ABHD12B: variants seen among roughly 807,000 people sequenced by gnomAD.
ABHD12B encodes the protein protein ABHD12B.
A neutral mutation model predicts 50.4 loss-of-function variants in ABHD12B; 42 were observed. The ratio of observed to expected loss-of-function variants is 0.83; its 90% CI spans 0.65 to 1.08. ABHD12B has a LOEUF of 1.08. Ranked by LOEUF, ABHD12B falls within the 50% of genes least tolerant of loss-of-function variation. The pLI is 0.00. For synonymous variants in ABHD12B, 167 were observed against 160.3 expected, an observed-to-expected ratio of 1.04 and a Z score of -0.32; for missense variants, 479 against 447.7, an observed-to-expected ratio of 1.07 and a Z score of -0.63.
intron 8 of ABHD12B, among the ~76,000 whole-genome samples, chr14:50,888,538 G>C (rs1472463873): frequency 6.6e-6 from 1 of 152,096 alleles, no homozygotes; most frequent in African/African-American, 2.4e-5. Context: ...TGACCTGGTT[G>C]TGTTCTTAGA....
At position 50,878,023 on chromosome 14, in the gene ABHD12B, C is replaced by A. The variant is rs1566483621; in HGVS notation, c.176C>A (p.Ser59Tyr). 3 of 1,534,998 alleles carry A rather than the reference C, an allele frequency of 2.0e-6. No individual in the cohort carries two copies. Among genetic ancestry groups the A allele is most frequent in the Non-Finnish European group, 2.6e-6 (3 of 1,146,332 alleles). ...AALYDSFTSK[S>Y]LKEHVFLPLI... ...CTGTATGACAGCTTTACTAGTAAAT[C>A]CTTAAAAGAACACGTTTTCCTTCCT... The change falls in exon 2 of 13, where the codon TCC becomes TAC. Residue 59 changes from serine to tyrosine, a missense_variant. Coordinates refer to ENST00000337334, the MANE Select transcript of ABHD12B (RefSeq NM_001206673.2).
chr14:50,902,570 C>T (rs2050273756), intron 10 of ABHD12B, among the ~76,000 whole-genome samples: 3 of 152,246 alleles, frequency 2.0e-5, no homozygotes, highest in Admixed American at 2.0e-4. Context: ...GAAAACTCGT[C>T]TACCATCCAC....
Position 50,878,068 on chromosome 14 carries a change from A to T in ABHD12B, c.221A>T (p.Tyr74Phe). 6.5e-7 allele frequency: 1 copy of T among 1,526,762 alleles called. No homozygotes were observed. The highest frequency in any genetic ancestry group is 1.2e-5 in the South Asian group (1 of 81,844). 94.6% of individuals were successfully genotyped at this position (1,526,762 alleles called of 1,614,324 possible). ...VFLPLIDMLIYFNFFKAPFLV... is the reference protein window; with the variant it reads ...VFLPLIDMLIFFNFFKAPFLV... ...CTTCCTCTGATAGACATGCTAATTT[A>T]TTTTAATTTTTGTAAGTATGGACCT... Residue 74 changes from tyrosine (Y) to phenylalanine (F), a missense_variant, in exon 2 of 13, where the codon TAT (tyrosine) becomes TTT (phenylalanine). Tyr to Phe is a conservative substitution (Grantham distance 22). Transcript: ENST00000337334.
intron 9 of ABHD12B, among the ~76,000 whole-genome samples, chr14:50,899,700 G>C (rs1479639002): frequency 2.0e-5 from 3 of 152,014 alleles, no homozygotes; most frequent in Non-Finnish European, 2.9e-5. Flanking sequence ...GAGGCAGGCG[G>C]ATCATTTGAG....
chr14:50,883,542 C>T (rs949152689), intron 5 of ABHD12B, among the ~76,000 whole-genome samples: 11 of 152,278 alleles, frequency 7.2e-5, no homozygotes, highest in Non-Finnish European at 1.2e-4. Flanking sequence ...GCATTCCCCA[C>T]GTGGAACGTG....
chr14:50,897,674 G>T (rs1254279328), intron 9 of ABHD12B, among the ~76,000 whole-genome samples: 1 of 152,218 alleles, frequency 6.6e-6, no homozygotes, highest in Admixed American at 6.5e-5. Flanking sequence ...GAGCCACTCA[G>T]ACTTGGGTTC....
chr14:50,893,596 C>A, intron 9 of ABHD12B: 2 of 154,776 alleles, frequency 1.3e-5, no homozygotes, highest in Middle Eastern at 3.3e-3. Context: ...GGTCTCTTCA[C>A]ACGGACGCGC....
rs764643185 is a variant in ABHD12B, at chr14:50,904,083, A to G, written c.952A>G (p.Ile318Val). Residue 318 changes from isoleucine (I) to valine (V), a missense_variant, in exon 12 of 13, where the codon ATT becomes GTT. Ile to Val is a conservative substitution (Grantham distance 29). Coordinates refer to ENST00000337334, the MANE Select transcript of ABHD12B (RefSeq NM_001206673.2). ...TTTCTGTCGCTTGCAGCTCTATGAA[A>G]TTGCACGCAATGCATACAGGAACAA... ...PLEYGKKLYE[I>V]ARNAYRNKER... is the part of the protein sequence containing the mutation. The G allele has an allele frequency of 1.9e-6, 3 of 1,612,946 alleles. No homozygotes were observed. In the Admixed American group the frequency reaches 5.0e-5, roughly 27 times the overall value.
intron 3 of ABHD12B, among the ~76,000 whole-genome samples, chr14:50,879,796 G>A (rs955356289): frequency 9.2e-5 from 14 of 152,160 alleles, no homozygotes; most frequent in African/African-American, 3.4e-4. Context: ...GCCTATATTC[G>A]GAGTACAGAG....
chr14:50,878,092 C>T lies in ABHD12B; in HGVS notation c.232+13C>T, dbSNP rs972894650. 7 of 1,505,964 alleles carry T rather than the reference C, an allele frequency of 4.6e-6. No individual in the cohort carries two copies. Among genetic ancestry groups the T allele is most frequent in the African/African-American group, 4.2e-5 (3 of 71,278 alleles). The allele number at this position is 1,505,964 out of a possible 1,614,324, so 93.3% of individuals were successfully genotyped here. ...TATTTTAATTTTTGTAAGTATGGAC[C>T]TTCCATAAATTTTCCTATATAATTT... On this transcript the variant is annotated intron_variant, in intron 2 of 12. Coordinates refer to ENST00000337334, the MANE Select transcript of ABHD12B (RefSeq NM_001206673.2).
At chr14:50,900,517 A>T (rs986032904) in intron 9 of ABHD12B, among the ~76,000 whole-genome samples, 3 of 152,198 alleles carry the variant, frequency 2.0e-5, no homozygotes, top group Non-Finnish European at 2.9e-5. Context: ...GAAATCCAAT[A>T]GTGAGAAGTT....
chr14:50,903,884 A>C, intron 11 of ABHD12B, 190 bp from the exon 12 acceptor site: 1 of 589,472 alleles, frequency 1.7e-6, no homozygotes, highest in Non-Finnish European at 3.0e-6. Flanking sequence ...TCAGTATTCT[A>C]TATTAGCTGA....
In ABHD12B at chr14:50,877,973, A is replaced by G. The variant is rs542768525; in HGVS notation, c.126A>G (p.Ser42=). The change falls in exon 2 of 13, where the codon TCA becomes TCG. Residue 42 remains serine, a synonymous_variant. Transcript: ENST00000337334. The part of the protein sequence containing the change: ...RNLRYFPHSC[S]MLGRKIAALY... Reference sequence around the variant, plus strand: ...GCAGATATTTTCCACACTCCTGTTCAATGCTCGGAAGAAAAATTGCTGCTC... The same window carrying G: ...GCAGATATTTTCCACACTCCTGTTCGATGCTCGGAAGAAAAATTGCTGCTC... 70 of 1,533,710 alleles carry G rather than the reference A, an allele frequency of 4.6e-5. No individual in the cohort carries two copies. In the African/African-American group the frequency reaches 7.3e-4, roughly 16 times the overall value.
chr14:50,894,647 A>G (rs2050169450), intron 9 of ABHD12B, among the ~76,000 whole-genome samples: 1 of 152,028 alleles, frequency 6.6e-6, no homozygotes, highest in Non-Finnish European at 1.5e-5. Context: ...GATCTAAATA[A>G]TTCTTGTTGT....
intron 10 of ABHD12B, 92 bp from the exon 11 acceptor site, chr14:50,903,296 AG>A: frequency 3.4e-6 from 3 of 889,362 alleles, no homozygotes. Flanking sequence ...TAATTTAGAC[AG>A]GCCTCATGTT....
chr14:50,895,545 T>C (rs1473515296), intron 9 of ABHD12B: 1 of 152,148 alleles, frequency 6.6e-6, no homozygotes, highest in Non-Finnish European at 1.5e-5. Flanking sequence ...AAAATCGGAC[T>C]GTTCAACTCA....
intron 5 of ABHD12B, among the ~76,000 whole-genome samples, chr14:50,883,060 CA>C (rs1176227199): frequency 5.3e-5 from 8 of 151,962 alleles, no homozygotes; most frequent in African/African-American, 1.9e-4. Context: ...TTGCTCTCCT[CA>C]CTCCCTGCTG....
chr14:50,903,354 C>G (rs1288536262), intron 10 of ABHD12B, 35 bp from the exon 11 acceptor site: 2 of 1,521,746 alleles, frequency 1.3e-6, no homozygotes, highest in South Asian at 2.3e-5. Flanking sequence ...ATGTATCATT[C>G]TTTAACTGAA....
chr14:50,894,574 A>G (rs1314271781), intron 9 of ABHD12B, among the ~76,000 whole-genome samples: 1 of 152,124 alleles, frequency 6.6e-6, no homozygotes, highest in Non-Finnish European at 1.5e-5. Flanking sequence ...CTTGACCCCA[A>G]TACAAACCGA....
Sources: gnomAD v4.1 joint callset for allele counts (sites outside exome capture counted in the v4.1 genomes callset) on GRCh38, gnomAD v4.1.1 for gene constraint, MANE v1.5 for transcripts, NCBI Gene and HGNC (gene_info 2026-07-23, HGNC 2026-07-21) for gene names.